Variants in NRXN2 observed in about 807,000 individuals in gnomAD.
NRXN2 encodes neurexin 2, also known as neurexin-2-beta.
Under a neutral mutation model 128.8 loss-of-function variants are expected in NRXN2, and 29 were observed. That is an observed-to-expected ratio of 0.23 (90% CI 0.17 to 0.31). The LOEUF (loss-of-function observed/expected upper bound fraction) is 0.31, where lower values mean the gene tolerates loss of function less well. NRXN2 is among the 10% of genes least tolerant of loss of function. The pLI is 1.00. For synonymous variants in NRXN2, 1,098 were observed against 1,075.2 expected (o/e 1.02, Z -0.41); for missense variants, 1,881 against 2,452.6 (o/e 0.77, Z 4.92).
At chr11:64,684,142 G>A (rs2052687513) in intron 6 of NRXN2, among the ~76,000 whole-genome samples, 1 of 152,112 alleles carries the variant, frequency 6.6e-6, no homozygotes, top group African/African-American at 2.4e-5. Context: ...GTCATATGAT[G>A]CATGGATAGG....
chr11:64,648,761 T>A lies in NRXN2; in HGVS notation c.3256A>T (p.Ile1086Phe), dbSNP rs1413436509. Residue 1086 changes from isoleucine (I) to phenylalanine (F), a missense_variant, in exon 16 of 23, where the codon ATT becomes TTT. Transcript: ENST00000265459. The surrounding 1 kb of genome is among the most constrained non-coding windows in gnomAD (Gnocchi z 4.1). ...TCACAGCCCCTCTCCACCTGCCCAA[T>A]GCGGTGCAGGGCGTCGGCGATGAGG... The part of the protein sequence containing the change: ...PDLIADALHR[I>F]GQVERGCDGP... 1 of 1,614,038 alleles carries A rather than the reference T, an allele frequency of 6.2e-7. No individual in the cohort carries two copies. Among genetic ancestry groups the A allele is most frequent in the South Asian group, 1.1e-5 (1 of 91,080 alleles).
intron 6 of NRXN2, among the ~76,000 whole-genome samples, chr11:64,685,057 G>A (rs982048284): frequency 6.6e-6 from 1 of 152,012 alleles, no homozygotes; most frequent in African/African-American, 2.4e-5. Flanking sequence ...CCTGCTCTCT[G>A]TCACCTACCT....
In NRXN2 at chr11:64,713,744, G is replaced by T; in HGVS notation, c.-45C>A. 9.9e-7 allele frequency: 1 copy of T among 1,008,080 alleles called. No individual in the cohort carries two copies. The highest frequency in any genetic ancestry group is 1.2e-6 in the Non-Finnish European group (1 of 842,040). The allele number at this position is 1,008,080 out of a possible 1,614,324, so 62.4% of individuals were successfully genotyped here. On this transcript the variant is annotated 5_prime_UTR_variant, in exon 2 of 23. In the 5' UTR this introduces an upstream ATG that the reference lacks. Transcript: ENST00000265459. ...CCGCCCGGCCCCCGGCCCCCGCTCAGGCTTCAGAGCCGCGGGCGCATGGGG... is the reference window on the plus strand; with the variant it reads ...CCGCCCGGCCCCCGGCCCCCGCTCATGCTTCAGAGCCGCGGGCGCATGGGG...
At chr11:64,680,390 T>A (rs999162264) in intron 6 of NRXN2, among the ~76,000 whole-genome samples, 4 of 152,144 alleles carry the variant, frequency 2.6e-5, no homozygotes, top group African/African-American at 9.7e-5. Context: ...AAGCAGAACA[T>A]TGAAATGGCT....
chr11:64,629,341 T>G (rs1398850368), intron 19 of NRXN2, among the ~76,000 whole-genome samples: 1 of 152,082 alleles, frequency 6.6e-6, no homozygotes, highest in Admixed American at 6.5e-5. Flanking sequence ...CCTCTTTATC[T>G]CCCATGCTGG....
chr11:64,673,290 ACCTAAT>A (rs1376251988), intron 7 of NRXN2, among the ~76,000 whole-genome samples: 1 of 152,200 alleles, frequency 6.6e-6, no homozygotes. Flanking sequence ...GCCTGATCAC[ACCTAAT>A]CCGAACTTCT....
intron 6 of NRXN2, among the ~76,000 whole-genome samples, chr11:64,682,193 A>T (rs1017962501): frequency 1.5e-5 from 2 of 136,280 alleles, no homozygotes; most frequent in African/African-American, 5.6e-5. Context: ...TCCATCCTTG[A>T]GGACTGCATC....
intron 22 of NRXN2, among the ~76,000 whole-genome samples, chr11:64,618,514 A>G (rs1334948359): frequency 6.6e-6 from 1 of 152,142 alleles, no homozygotes; most frequent in Non-Finnish European, 1.5e-5. Context: ...CGCTCATCAC[A>G]GCCACTTCCA....
At chr11:64,708,775 A>G (rs2056595716) in intron 2 of NRXN2, among the ~76,000 whole-genome samples, 1 of 152,266 alleles carries the variant, frequency 6.6e-6, no homozygotes, top group South Asian at 2.1e-4. Context: ...AATGGCAAAT[A>G]TAATATCAAA....
chr11:64,722,212 C>T (rs1297700932), intron 1 of NRXN2, among the ~76,000 whole-genome samples: 1 of 151,628 alleles, frequency 6.6e-6, no homozygotes, highest in Non-Finnish European at 1.5e-5. Flanking sequence ...ACTCTCTGAC[C>T]AGAACCCTGT....
intron 3 of NRXN2, among the ~76,000 whole-genome samples, chr11:64,694,191 C>A (rs1027100967): frequency 8.5e-5 from 13 of 152,164 alleles, no homozygotes; most frequent in Admixed American, 6.5e-5. Flanking sequence ...ACCTCAGAGC[C>A]CCCCCAGCCC....
At chr11:64,704,015 C>A (rs2135635382) in intron 2 of NRXN2, among the ~76,000 whole-genome samples, 1 of 152,240 alleles carries the variant, frequency 6.6e-6, no homozygotes, top group East Asian at 1.9e-4. Flanking sequence ...TACGTAGGGG[C>A]ATCTAGCTTG....
At position 64,648,624 on chromosome 11, in the gene NRXN2, G is replaced by T; in HGVS notation, c.3283+110C>A. ...GTGGGGGCAAGCTCCCATAAGGCCT[G>T]AGAAGGAAGGCCCCTTGGCAGAGCA... On this transcript the variant is annotated intron_variant, in intron 16 of 22. Coordinates refer to ENST00000265459, the MANE Select transcript of NRXN2 (RefSeq NM_015080.4). The surrounding 1 kb of genome is among the most constrained non-coding windows in gnomAD (Gnocchi z 4.1). 1 of 1,453,096 alleles carries T rather than the reference G, an allele frequency of 6.9e-7. No individual in the cohort carries two copies. Among genetic ancestry groups the T allele is most frequent in the Non-Finnish European group, 9.6e-7 (1 of 1,037,934 alleles). 90.0% of individuals were successfully genotyped at this position (1,453,096 alleles called of 1,614,324 possible). A position where few individuals can be genotyped will look rare whatever the true frequency, so the allele number is the denominator to read the frequency against.
chr11:64,608,818 G>A (rs989673469), intron 22 of NRXN2, among the ~76,000 whole-genome samples: 1 of 152,072 alleles, frequency 6.6e-6, no homozygotes, highest in African/African-American at 2.4e-5. Flanking sequence ...GGCAGGCTGG[G>A]GCTGAGGGGT....
intron 2 of NRXN2, among the ~76,000 whole-genome samples, chr11:64,701,960 T>G (rs1592222318): frequency 1.8e-5 from 2 of 109,178 alleles, no homozygotes; most frequent in Non-Finnish European, 3.7e-5. Context: ...GGTGGGGGGG[T>G]CAGCCCCCCG....
At chr11:64,611,377 C>T (rs2040613373) in intron 22 of NRXN2, among the ~76,000 whole-genome samples, 1 of 152,220 alleles carries the variant, frequency 6.6e-6, no homozygotes, top group Admixed American at 6.5e-5. Context: ...TAGACTGGGC[C>T]ACCAGCTGCT....
chr11:64,708,556 C>T (rs1437283788), intron 2 of NRXN2, among the ~76,000 whole-genome samples: 2 of 152,142 alleles, frequency 1.3e-5, no homozygotes, highest in Admixed American at 6.5e-5. Flanking sequence ...TCTTCAATTA[C>T]GTGTGGCCAG....
At chr11:64,689,650 A>G (rs2053554682) in intron 5 of NRXN2, among the ~76,000 whole-genome samples, 1 of 152,190 alleles carries the variant, frequency 6.6e-6, no homozygotes, top group Non-Finnish European at 1.5e-5. Context: ...CAGTGTGATG[A>G]GCCTTCTAGT....
chr11:64,647,940 G>T (rs2046944139), intron 17 of NRXN2, among the ~76,000 whole-genome samples: 1 of 152,204 alleles, frequency 6.6e-6, no homozygotes, highest in African/African-American at 2.4e-5. Context: ...TGGGTGAAGG[G>T]AGCAGGGTCC....
Sources: allele counts gnomAD v4.1 joint callset (sites outside exome capture counted in the v4.1 genomes callset), GRCh38; gene constraint gnomAD v4.1.1; non-coding constraint Gnocchi (gnomAD v3.1); transcripts MANE v1.5; gene names NCBI Gene and HGNC (gene_info 2026-07-23, HGNC 2026-07-21).